Variants in SCP2 observed in about 807,000 individuals in gnomAD.
The protein encoded by SCP2 is sterol carrier protein 2, also known as SCP-2/3-oxoacyl-CoA thiolase.
SCP2 carries 48 observed loss-of-function variants against 71.4 expected under a neutral mutation model. The observed-to-expected ratio is 0.67, with a 90% confidence interval of 0.53 to 0.86. SCP2 has a LOEUF of 0.86. Among genes scored for constraint, SCP2 ranks in the 40% least tolerant of loss-of-function variants. SCP2 has a pLI of 0.00. For missense variants in SCP2, 560 were observed against 655.6 expected, an observed-to-expected ratio of 0.85 and a Z score of 1.59; for synonymous variants, 220 against 218.1, an observed-to-expected ratio of 1.01 and a Z score of -0.08.
In SCP2 at chr1:53,050,867, G is replaced by A; in HGVS notation, c.*163G>A. ...CAATCCTGTTTTTCCTATGCTCTGG[G>A]TGAATAGAGCCTGATGGTATACTAC... On this transcript the variant is annotated 3_prime_UTR_variant, in exon 16 of 16. Coordinates refer to ENST00000371514, the MANE Select transcript of SCP2 (RefSeq NM_002979.5). The A allele has an allele frequency of 1.6e-6, 1 of 608,698 alleles. No homozygotes were observed. Among genetic ancestry groups the A allele is most frequent in the Non-Finnish European group, 3.0e-6 (1 of 338,244 alleles). 37.7% of individuals were successfully genotyped at this position (608,698 alleles called of 1,614,324 possible).
At chr1:52,994,049 T>C in intron 11 of SCP2, 1 of 1,159,624 alleles carries the variant, frequency 8.6e-7, no homozygotes, top group Non-Finnish European at 1.1e-6. Flanking sequence ...TATCTGTATG[T>C]AAATGTTGTG....
chr1:53,046,225 A>G (rs1663803900), intron 14 of SCP2, among the ~76,000 whole-genome samples: 1 of 152,142 alleles, frequency 6.6e-6, no homozygotes, highest in Non-Finnish European at 1.5e-5. Flanking sequence ...GCTTTATGTG[A>G]AACTTCCAGA....
intron 11 of SCP2, among the ~76,000 whole-genome samples, chr1:53,007,657 T>C (rs1660719037): frequency 6.6e-6 from 1 of 152,134 alleles, no homozygotes; most frequent in Non-Finnish European, 1.5e-5. Flanking sequence ...TAGCACTAAA[T>C]GTACACAAGA....
At chr1:52,929,883 A>G (rs796838168) in intron 1 of SCP2, among the ~76,000 whole-genome samples, 17 of 152,286 alleles carry the variant, frequency 1.1e-4, no homozygotes, top group African/African-American at 3.1e-4. Context: ...TCGGACTCCC[A>G]AAGTGCTGGG....
chr1:53,035,061 C>T (rs927413908), intron 13 of SCP2, among the ~76,000 whole-genome samples: 6 of 151,286 alleles, frequency 4.0e-5, no homozygotes, highest in South Asian at 4.2e-4. Context: ...GCTGAGATCA[C>T]GCCACTGCAC....
intron 11 of SCP2, chr1:52,993,344 G>T: frequency 6.2e-7 from 1 of 1,614,156 alleles, no homozygotes; most frequent in Non-Finnish European, 8.5e-7. Flanking sequence ...CTTTGCTGAT[G>T]CCTCCATGTA....
At chr1:52,995,872 C>T in intron 11 of SCP2, 1 of 1,418,562 alleles carries the variant, frequency 7.0e-7, no homozygotes, top group Non-Finnish European at 9.6e-7. Flanking sequence ...GGAAGGCCTT[C>T]CTCCACTGGT....
intron 6 of SCP2, among the ~76,000 whole-genome samples, chr1:52,970,433 T>A (rs931337670): frequency 2.0e-5 from 3 of 152,172 alleles, no homozygotes; most frequent in Non-Finnish European, 4.4e-5. Context: ...CCTTCACCGC[T>A]CAATTGCACC....
In SCP2 at chr1:52,978,296, G is replaced by C; in HGVS notation, c.754G>C (p.Val252Leu). The C allele has an allele frequency of 1.2e-6, 2 of 1,614,116 alleles. No homozygotes were observed. The highest frequency in any genetic ancestry group is 1.7e-6 in the Non-Finnish European group (2 of 1,179,976). The change falls in exon 9 of 16, where the codon GTG becomes CTG. Residue 252 changes from valine (V) to leucine (L), a missense_variant. Val to Leu is a conservative substitution (Grantham distance 32). This residue lies in a region of SCP2 where 513 missense variants were observed against 573.1 expected (regional missense o/e 0.90). Coordinates refer to ENST00000371514, the MANE Select transcript of SCP2 (RefSeq NM_002979.5). The part of the protein sequence containing the change: ...VQKYGLQSKA[V>L]EILAQEMMTD... ...GAAGTATGGCCTGCAATCCAAAGCT[G>C]TGGAAATTTTGGCACAAGAAATGAT...
intron 13 of SCP2, among the ~76,000 whole-genome samples, chr1:53,034,362 C>T (rs1309552332): frequency 6.6e-6 from 1 of 151,292 alleles, no homozygotes; most frequent in Non-Finnish European, 1.5e-5. Flanking sequence ...GAAGCAGTCA[C>T]AAATATATGA....
Position 52,996,351 on chromosome 1 carries a change from A to G in SCP2, c.1081+8215A>G, listed in dbSNP as rs186134747. Reference sequence around the variant, plus strand: ...CTCATCCAGATCTCATTTAGAACCAACTGGGTTTTGAAAGCCCATGTGGAT... The same window carrying G: ...CTCATCCAGATCTCATTTAGAACCAGCTGGGTTTTGAAAGCCCATGTGGAT... On this transcript the variant is annotated intron_variant, in intron 11 of 15. Transcript: ENST00000371514. Among the ~76,000 whole-genome samples the G allele has an allele frequency of 1.7e-3, 262 of 152,274 alleles. 2 individuals carry two copies. Among genetic ancestry groups the G allele is most frequent in the Admixed American group, 0.011 (167 of 15,296 alleles).
intron 1 of SCP2, among the ~76,000 whole-genome samples, chr1:52,934,538 A>G (rs1286427496): frequency 6.7e-6 from 1 of 149,716 alleles, no homozygotes; most frequent in African/African-American, 2.5e-5. Flanking sequence ...TTTTATTATA[A>G]CAGAGTATGA....
chr1:52,976,277 A>G (rs966932821), intron 7 of SCP2, among the ~76,000 whole-genome samples: 7 of 151,976 alleles, frequency 4.6e-5, no homozygotes, highest in Non-Finnish European at 7.4e-5. Flanking sequence ...CTCAATCTCC[A>G]GCCTTCCTCT....
At chr1:53,049,666 G>C (rs1162216523) in intron 15 of SCP2, 1 of 152,132 alleles carries the variant, frequency 6.6e-6, no homozygotes, top group South Asian at 2.1e-4. Flanking sequence ...AATATATTGT[G>C]TTCTGAGACA....
intron 9 of SCP2, among the ~76,000 whole-genome samples, 184 bp from the exon 10 acceptor site, chr1:52,980,212 G>T (rs1225162341): frequency 6.6e-6 from 1 of 152,082 alleles, no homozygotes. Context: ...GGGCTCAAGC[G>T]ATCCTCCTGC....
At chr1:53,024,367 T>C (rs1661962116) in intron 12 of SCP2, among the ~76,000 whole-genome samples, 1 of 152,054 alleles carries the variant, frequency 6.6e-6, no homozygotes, top group Non-Finnish European at 1.5e-5. Context: ...TGAAAAGAGT[T>C]ATGGAGATGA....
chr1:52,996,051 T>C, intron 11 of SCP2: 1 of 1,203,942 alleles, frequency 8.3e-7, no homozygotes, highest in Non-Finnish European at 1.1e-6. Flanking sequence ...CGCCTCAGGC[T>C]TCTCAGTTCC....
chr1:53,045,150 G>A (rs7529260), intron 14 of SCP2, among the ~76,000 whole-genome samples: 14,666 of 152,100 alleles, frequency 0.096, 1,390 homozygotes, highest in African/African-American at 0.21. Flanking sequence ...TTACAAATGA[G>A]TACACCTCCA....
chr1:52,976,347 T>C (rs1657966105), intron 7 of SCP2, among the ~76,000 whole-genome samples: 1 of 152,150 alleles, frequency 6.6e-6, no homozygotes, highest in Non-Finnish European at 1.5e-5. Context: ...GGTTGGTCTT[T>C]TGGTGGTCAG....
Sources: gnomAD v4.1 joint callset for allele counts (sites outside exome capture counted in the v4.1 genomes callset) on GRCh38, gnomAD v4.1.1 for gene constraint, gnomAD v4.1.1 regional missense constraint, MANE v1.5 for transcripts, NCBI Gene and HGNC (gene_info 2026-07-23, HGNC 2026-07-21) for gene names.